The following CNR1 variants were observed in gnomAD, a reference collection of about 807,000 sequenced individuals.
CNR1 encodes the protein cannabinoid receptor 1 (brain).
Under a neutral mutation model 23.0 loss-of-function variants are expected in CNR1, and 10 were observed. The ratio of observed to expected loss-of-function variants is 0.43; its 90% CI spans 0.27 to 0.74. CNR1 has a LOEUF of 0.74. CNR1 is among the 30% of genes least tolerant of loss of function. The pLI, the probability that CNR1 is intolerant of heterozygous loss-of-function variation, is 0.19. For synonymous variants in CNR1, 271 were observed against 255.2 expected (o/e 1.06, Z -0.59); for missense variants, 422 against 618.8 (o/e 0.68, Z 3.37).
chr6:88,153,406 T>G (rs994359871), intron 1 of CNR1, among the ~76,000 whole-genome samples: 1 of 152,208 alleles, frequency 6.6e-6, no homozygotes, highest in African/African-American at 2.4e-5. Flanking sequence ...GGACTGGTGC[T>G]CCCTGATATA....
At chr6:88,163,728 A>G (rs770470864) in intron 1 of CNR1, among the ~76,000 whole-genome samples, 2 of 152,258 alleles carry the variant, frequency 1.3e-5, no homozygotes, top group Non-Finnish European at 2.9e-5. Context: ...GAAATATGCC[A>G]CAAATACAGT....
intron 1 of CNR1, among the ~76,000 whole-genome samples, chr6:88,153,616 C>G (rs1777644931): frequency 3.3e-5 from 5 of 152,182 alleles, no homozygotes; most frequent in Admixed American, 2.6e-4. Context: ...CATAAAAGAA[C>G]CTTGTGAAGA....
rs778872471 is a variant in CNR1, at chr6:88,142,599, T to C, written c.*1257A>G. ...CTTAAGGAGGGATGGGGTGAAATTTTTGAATGGTTGGAGTCAGTATTTTTA... is the reference window on the plus strand; with the variant it reads ...CTTAAGGAGGGATGGGGTGAAATTTCTGAATGGTTGGAGTCAGTATTTTTA... On this transcript the variant is annotated 3_prime_UTR_variant, in exon 2 of 2. Coordinates refer to ENST00000369501, the MANE Select transcript of CNR1 (RefSeq NM_016083.6). The C allele has an allele frequency of 1.3e-5, 2 of 152,398 alleles. No homozygotes were observed. The highest frequency in any genetic ancestry group is 1.9e-4 in the East Asian group (1 of 5,336). 9.4% of individuals were successfully genotyped at this position (152,398 alleles called of 1,614,324 possible).
At position 88,143,812 on chromosome 6, in the gene CNR1, A is replaced by T. The variant is rs762494727; in HGVS notation, c.*44T>A. ...ATAGACTCTTCTAGATTTTGAGCTT[A>T]AAAAAAAAAATTCTTTTCCTGTGCT... On this transcript the variant is annotated 3_prime_UTR_variant, in exon 2 of 2. Coordinates refer to ENST00000369501, the MANE Select transcript of CNR1 (RefSeq NM_016083.6). 9.2e-6 allele frequency: 9 copies of T among 973,010 alleles called. No homozygotes were observed. The highest frequency in any genetic ancestry group is 1.9e-5 in the South Asian group (1 of 53,170). The allele number at this position is 973,010 out of a possible 1,614,324, so 60.3% of individuals were successfully genotyped here. A position where few individuals can be genotyped will look rare whatever the true frequency, so the allele number is the denominator to read the frequency against.
chr6:88,143,759 A>C lies in CNR1; in HGVS notation c.*97T>G. 1 of 859,570 alleles carries C rather than the reference A, an allele frequency of 1.2e-6. No homozygotes were observed. Among genetic ancestry groups the C allele is most frequent in the East Asian group, 2.4e-5 (1 of 41,248 alleles). 53.2% of individuals were successfully genotyped at this position (859,570 alleles called of 1,614,324 possible). A position where few individuals can be genotyped will look rare whatever the true frequency, so the allele number is the denominator to read the frequency against. On this transcript the variant is annotated 3_prime_UTR_variant, in exon 2 of 2. Coordinates refer to ENST00000369501, the MANE Select transcript of CNR1 (RefSeq NM_016083.6). ...AATCACCTTTTCATTGAGCATGGTAAAGTTAAAAAAATATAACCAAGGAGA... is the reference window on the plus strand; with the variant it reads ...AATCACCTTTTCATTGAGCATGGTACAGTTAAAAAAATATAACCAAGGAGA...
In CNR1 at chr6:88,144,870, G is replaced by A. The variant is rs769819699; in HGVS notation, c.405C>T (p.Leu135=). The change falls in exon 2 of 2, where the codon CTC becomes CTT. Residue 135 remains leucine, a synonymous_variant. Coordinates refer to ENST00000369501, the MANE Select transcript of CNR1 (RefSeq NM_016083.6). This position sits in a 1 kb window ranked among gnomAD's most constrained non-coding sequence, Gnocchi z 7.8. Reference sequence around the variant, plus strand: ...AGTGGAGGATGACGCACAGCACCAGGAGGTTCTCCAGGACCGTGAAGGTGC... The same window carrying A: ...AGTGGAGGATGACGCACAGCACCAGAAGGTTCTCCAGGACCGTGAAGGTGC... The part of the protein sequence containing the change: ...TLGTFTVLEN[L]LVLCVILHSR... 1 of 1,614,088 alleles carries A rather than the reference G, an allele frequency of 6.2e-7. No homozygotes were observed. Among genetic ancestry groups the A allele is most frequent in the African/African-American group, 1.3e-5 (1 of 74,940 alleles).
chr6:88,154,557 C>T (rs1777696911), intron 1 of CNR1, among the ~76,000 whole-genome samples: 1 of 152,160 alleles, frequency 6.6e-6, no homozygotes, highest in Non-Finnish European at 1.5e-5. Flanking sequence ...TTTCTACATA[C>T]TGGGTAAAGA....
At chr6:88,160,082 C>A (rs988308376) in intron 1 of CNR1, among the ~76,000 whole-genome samples, 1 of 151,904 alleles carries the variant, frequency 6.6e-6, no homozygotes, top group Non-Finnish European at 1.5e-5. Context: ...AATCCCAGCA[C>A]TTTGGGAGGC....
At chr6:88,160,906 T>C (rs1778070129) in intron 1 of CNR1, among the ~76,000 whole-genome samples, 2 of 152,178 alleles carry the variant, frequency 1.3e-5, no homozygotes, top group Non-Finnish European at 2.9e-5. Context: ...GACCCTCTCA[T>C]TTAAACATAA....
In CNR1 at chr6:88,143,896, G is replaced by A; in HGVS notation, c.1379C>T (p.Thr460Ile). ...IKSTVKIAKV[T>I]MSVSTDTSAE... ...AGACGTGTCTGTGGACACAGACATG[G>A]TTACCTTGGCAATCTTGACCGTGCT... Residue 460 changes from threonine (T) to isoleucine (I), a missense_variant, in exon 2 of 2, where the codon ACC becomes ATC. Thr to Ile is a moderately conservative substitution (Grantham distance 89, BLOSUM62 -1). This residue lies in a region of CNR1 where 79 missense variants were observed against 98.0 expected (regional missense o/e 0.81). Coordinates refer to ENST00000369501, the MANE Select transcript of CNR1 (RefSeq NM_016083.6). The A allele has an allele frequency of 6.2e-7, 1 of 1,614,120 alleles. No individual in the cohort carries two copies. The highest frequency in any genetic ancestry group is 8.5e-7 in the Non-Finnish European group (1 of 1,180,004).
intron 1 of CNR1, among the ~76,000 whole-genome samples, chr6:88,156,042 C>T (rs921812985): frequency 6.6e-6 from 1 of 152,194 alleles, no homozygotes; most frequent in Non-Finnish European, 1.5e-5. Context: ...CAACTTCCCA[C>T]CATGAGCCAT....
At chr6:88,154,740 A>G (rs1490352984) in intron 1 of CNR1, among the ~76,000 whole-genome samples, 2 of 152,046 alleles carry the variant, frequency 1.3e-5, no homozygotes, top group Non-Finnish European at 2.9e-5. Context: ...CACCACGCCT[A>G]GTTAATTTAT....
chr6:88,164,710 G>T (rs769613654), intron 1 of CNR1, among the ~76,000 whole-genome samples: 41 of 152,160 alleles, frequency 2.7e-4, no homozygotes, highest in Non-Finnish European at 5.4e-4. Flanking sequence ...CTTAAAGGTT[G>T]GTTGCTCTGA....
At chr6:88,162,990 A>T (rs1166759656) in intron 1 of CNR1, 4 of 152,360 alleles carry the variant, frequency 2.6e-5, no homozygotes, top group Non-Finnish European at 4.4e-5. Flanking sequence ...TTCAGCAGGG[A>T]ATGAAAGCTC....
chr6:88,152,389 T>C (rs1356932200), intron 1 of CNR1, among the ~76,000 whole-genome samples: 1 of 152,166 alleles, frequency 6.6e-6, no homozygotes, highest in African/African-American at 2.4e-5. Flanking sequence ...ATAAAGCTTC[T>C]TCAGTGAAGA....
At chr6:88,166,821 G>A (rs1364828865), upstream of CNR1, among the ~76,000 whole-genome samples, 1 of 151,854 alleles carries the variant, frequency 6.6e-6, no homozygotes, top group Admixed American at 6.6e-5. Flanking sequence ...GGAGCCCAGA[G>A]GCCGAGGCGC....
Position 88,143,670 on chromosome 6 carries a change from G to A in CNR1, c.*186C>T, listed in dbSNP as rs866664158. 3.4e-6 allele frequency: 2 copies of A among 589,222 alleles called. No homozygotes were observed. The highest frequency in any genetic ancestry group is 6.0e-6 in the Non-Finnish European group (2 of 332,660). 36.5% of individuals were successfully genotyped at this position (589,222 alleles called of 1,614,324 possible). A position where few individuals can be genotyped will look rare whatever the true frequency, so the allele number is the denominator to read the frequency against. ...AGGCTTTCTTCACTGTAAACCCCTG[G>A]AGAATGGAGTTTGAGTACCTAAACT... is the stretch of plus-strand genomic sequence containing the variant. On this transcript the variant is annotated 3_prime_UTR_variant, in exon 2 of 2. Coordinates refer to ENST00000369501, the MANE Select transcript of CNR1 (RefSeq NM_016083.6).
In CNR1 at chr6:88,165,560, A is replaced by G. The variant is rs1253093242; in HGVS notation, c.-64+243T>C. ...GCACAATTACCCATTTTCTACAAACAGACATCAGTGCATACAGAGCCAGGT... is the reference window on the plus strand; with the variant it reads ...GCACAATTACCCATTTTCTACAAACGGACATCAGTGCATACAGAGCCAGGT... On this transcript the variant is annotated intron_variant, in intron 1 of 1. Coordinates refer to ENST00000369501, the MANE Select transcript of CNR1 (RefSeq NM_016083.6). Among the ~76,000 whole-genome samples the G allele has an allele frequency of 2.0e-5, 3 of 152,348 alleles. No individual in the cohort carries two copies. In the East Asian group the frequency reaches 5.8e-4, roughly 29 times the overall value.
chr6:88,146,806 GAGAC>G (rs1484866445), intron 1 of CNR1, among the ~76,000 whole-genome samples: 1 of 152,174 alleles, frequency 6.6e-6, no homozygotes, highest in Admixed American at 6.5e-5. Flanking sequence ...GGTTGGGGGA[GAGAC>G]AATCACTATT....
Sources: gnomAD v4.1 joint callset for allele counts (sites outside exome capture counted in the v4.1 genomes callset) on GRCh38, gnomAD v4.1.1 for gene constraint, gnomAD v4.1.1 regional missense constraint, Gnocchi (gnomAD v3.1) non-coding constraint, MANE v1.5 for transcripts, NCBI Gene and HGNC (gene_info 2026-07-23, HGNC 2026-07-21) for gene names.